ABHD10: variants seen among roughly 807,000 people sequenced by gnomAD.
ABHD10 encodes abhydrolase domain containing 10, depalmitoylase.
ABHD10 carries 22 observed loss-of-function variants against 33.1 expected under a neutral mutation model. The ratio of observed to expected loss-of-function variants is 0.66; its 90% confidence interval spans 0.47 to 0.95. The LOEUF (loss-of-function observed/expected upper bound fraction) is 0.95. Ranked by LOEUF, ABHD10 falls within the 40% of genes least tolerant of loss-of-function variation. ABHD10 has a pLI of 0.00. For synonymous variants in ABHD10, 146 were observed against 133.9 expected (o/e 1.09, Z -0.62); for missense variants, 352 against 379.9 (o/e 0.93, Z 0.61).
In ABHD10 at chr3:111,993,164, C is replaced by T. The variant is rs2072764103; in HGVS notation, c.*1443C>T. The T allele has an allele frequency of 6.6e-6, 1 of 152,192 alleles. No individual in the cohort carries two copies. The highest frequency in any genetic ancestry group is 2.1e-4 in the South Asian group (1 of 4,828). The allele number at this position is 152,192 out of a possible 1,614,324, so 9.4% of individuals were successfully genotyped here. A position where few individuals can be genotyped will look rare whatever the true frequency, so the allele number is the denominator to read the frequency against. On this transcript the variant is annotated 3_prime_UTR_variant, in exon 5 of 5. Coordinates refer to ENST00000273359, the MANE Select transcript of ABHD10 (RefSeq NM_018394.4). ...CCCCAGGCACTCAGTCTCTAACAAG[C>T]TTTTCTGGTTGACAGTGTTTCACAA... is the stretch of plus-strand genomic sequence containing the variant.
chr3:111,979,148 T>A lies in ABHD10; in HGVS notation c.87T>A (p.Arg29=). 6.2e-7 allele frequency: 1 copy of A among 1,613,014 alleles called. No homozygotes were observed. Among genetic ancestry groups the A allele is most frequent in the Non-Finnish European group, 8.5e-7 (1 of 1,179,574 alleles). ...CAGCCGTCCCCTTCGGTCCCCACCGTGGCCTCAGCGTGCTGCTTGCACGGA... is the reference window on the plus strand; with the variant it reads ...CAGCCGTCCCCTTCGGTCCCCACCGAGGCCTCAGCGTGCTGCTTGCACGGA... ...GWAAVPFGPH[R]GLSVLLARIP... The change falls in exon 1 of 5, where the codon CGT becomes CGA. Residue 29 remains arginine, a synonymous_variant. Transcript: ENST00000273359.
intron 2 of ABHD10, among the ~76,000 whole-genome samples, chr3:111,984,944 G>T (rs935130609): frequency 6.6e-6 from 1 of 152,160 alleles, no homozygotes; most frequent in Non-Finnish European, 1.5e-5. Context: ...AAAAACAAAC[G>T]AATAAAACAG....
At position 111,991,735 on chromosome 3, in the gene ABHD10, G is replaced by A; in HGVS notation, c.*14G>A. The A allele has an allele frequency of 6.3e-7, 1 of 1,577,746 alleles. No homozygotes were observed. Among genetic ancestry groups the A allele is most frequent in the Non-Finnish European group, 8.7e-7 (1 of 1,151,292 alleles). On this transcript the variant is annotated 3_prime_UTR_variant, in exon 5 of 5. Transcript: ENST00000273359. Reference sequence around the variant, plus strand: ...ATAGTTAACTAGTATCACATGTTTAGTTGGTATGTAAACTAATGTATCCAG... The same window carrying A: ...ATAGTTAACTAGTATCACATGTTTAATTGGTATGTAAACTAATGTATCCAG...
Position 111,981,869 on chromosome 3 carries a change from A to G in ABHD10, c.228A>G (p.Pro76=), listed in dbSNP as rs777294208. ...ATAAGAAGCTAAAAGGCAAAAGTCC[A>G]GGAATTATCTTCATCCCTGGCTATC... ...LAYKKLKGKS[P]GIIFIPGYLS... The change falls in exon 2 of 5, where the codon CCA becomes CCG. Residue 76 remains proline (P), a synonymous_variant. Transcript: ENST00000273359. 6.2e-7 allele frequency: 1 copy of G among 1,608,456 alleles called. No individual in the cohort carries two copies. Among genetic ancestry groups the G allele is most frequent in the Non-Finnish European group, 8.5e-7 (1 of 1,175,902 alleles).
intron 4 of ABHD10, among the ~76,000 whole-genome samples, chr3:111,988,786 C>T (rs1000515210): frequency 1.3e-5 from 2 of 151,846 alleles, no homozygotes; most frequent in African/African-American, 4.8e-5. Flanking sequence ...GATGGGGTCT[C>T]GCCATGTTGC....
In ABHD10 at chr3:111,986,359, T is replaced by C. The variant is rs1382821729; in HGVS notation, c.422T>C (p.Leu141Ser). The C allele has an allele frequency of 5.0e-6, 8 of 1,612,234 alleles. No individual in the cohort carries two copies. The highest frequency in any genetic ancestry group is 5.1e-6 in the Non-Finnish European group (6 of 1,178,402). ...RKDVLSIIDDLADGPQILVGS... is the reference protein window; with the variant it reads ...RKDVLSIIDDSADGPQILVGS... ...GATGTTCTTTCTATAATTGATGACT[T>C]AGCTGATGGGCCACAGGTGACTGTT... is the stretch of plus-strand genomic sequence containing the variant. The change falls in exon 3 of 5, where the codon TTA (leucine) becomes TCA (serine). Residue 141 changes from leucine to serine, a missense_variant. Leu to Ser is a moderately radical substitution (Grantham distance 145). Transcript: ENST00000273359.
intron 4 of ABHD10, chr3:111,990,838 A>G (rs965552720): frequency 5.6e-5 from 39 of 696,752 alleles, no homozygotes; most frequent in Non-Finnish European, 7.9e-5. Flanking sequence ...TCCCTATGCC[A>G]TATCCATTTT....
chr3:111,986,677 C>T (rs377659704), intron 3 of ABHD10, among the ~76,000 whole-genome samples: 16 of 152,316 alleles, frequency 1.1e-4, no homozygotes, highest in East Asian at 7.7e-4. Flanking sequence ...CCTCGTGATC[C>T]GCCCGCCTGG....
In ABHD10 at chr3:111,989,281, G is replaced by A. The variant is rs144269813; in HGVS notation, c.577-2096G>A. ...CTTCTTTGGACACTAGAGGGCCTCA[G>A]ACATGATGCACAGCTGTTGGGAATG... On this transcript the variant is annotated intron_variant, in intron 4 of 4. Transcript: ENST00000273359. Among the ~76,000 whole-genome samples the A allele has an allele frequency of 8.8e-3, 1,343 of 152,286 alleles. 12 individuals are homozygous for A. The highest frequency in any genetic ancestry group is 0.014 in the Non-Finnish European group (954 of 68,018).
rs189093873 is a variant in ABHD10 at position 111,981,123 on chromosome 3, G to A, written c.143-661G>A. Among the ~76,000 whole-genome samples, 396 of 152,070 alleles carry A rather than the reference G, an allele frequency of 2.6e-3. 2 individuals are homozygous for A. The highest frequency in any genetic ancestry group is 8.9e-3 in the African/African-American group (370 of 41,490). On this transcript the variant is annotated intron_variant, in intron 1 of 4. Transcript: ENST00000273359. The stretch of plus-strand genomic sequence containing the variant: ...GTTTGAGACCAGTCTGGGCAACATA[G>A]TGAGACCCTGTCTCCACAAAAAATA...
intron 2 of ABHD10, 127 bp downstream of exon 2, chr3:111,982,094 G>A (rs2072592700): frequency 6.2e-6 from 5 of 807,746 alleles, no homozygotes; most frequent in African/African-American, 1.8e-5. Flanking sequence ...CTGTAAACTT[G>A]CATCTTGTGA....
At chr3:111,989,403 T>A in intron 4 of ABHD10, among the ~76,000 whole-genome samples, 1 of 152,258 alleles carries the variant, frequency 6.6e-6, no homozygotes, top group Admixed American at 6.5e-5. Flanking sequence ...GTTTCTGAAC[T>A]TTTTGTTCTT....
At chr3:111,990,724 T>A in intron 4 of ABHD10, 1 of 1,430,118 alleles carries the variant, frequency 7.0e-7, no homozygotes, top group Non-Finnish European at 9.3e-7. Flanking sequence ...AAACTATATT[T>A]CTTTACATTC....
intron 4 of ABHD10, among the ~76,000 whole-genome samples, chr3:111,989,066 A>T (rs182698222): frequency 6.6e-6 from 1 of 152,372 alleles, no homozygotes; most frequent in Non-Finnish European, 1.5e-5. Flanking sequence ...AAAAGCATGT[A>T]TAAGGAAAGA....
chr3:111,987,446 T>C (rs984897059), intron 4 of ABHD10, among the ~76,000 whole-genome samples: 1 of 152,172 alleles, frequency 6.6e-6, no homozygotes, highest in African/African-American at 2.4e-5. Flanking sequence ...ATGACTATGT[T>C]AGAGTGGGCT....
At chr3:111,983,873 A>G (rs1322131789) in intron 2 of ABHD10, among the ~76,000 whole-genome samples, 3 of 152,184 alleles carry the variant, frequency 2.0e-5, no homozygotes, top group Non-Finnish European at 4.4e-5. Flanking sequence ...GGCTGCTAAG[A>G]TGGAGATGTG....
intron 2 of ABHD10, among the ~76,000 whole-genome samples, chr3:111,985,027 T>A (rs765591393): frequency 6.6e-6 from 1 of 152,284 alleles, no homozygotes; most frequent in East Asian, 1.9e-4. Flanking sequence ...TACAATACAA[T>A]ATGAAAAGTG....
intron 1 of ABHD10, 107 bp downstream of exon 1, chr3:111,979,310 CCT>C (rs2072546792): frequency 1.5e-6 from 2 of 1,323,164 alleles, no homozygotes; most frequent in Admixed American, 5.5e-5. Context: ...CAAAAATGCT[CCT>C]CCCCCTTTCT....
At chr3:111,984,166 A>AC (rs1477614811) in intron 2 of ABHD10, among the ~76,000 whole-genome samples, 2 of 151,966 alleles carry the variant, frequency 1.3e-5, no homozygotes, top group Non-Finnish European at 2.9e-5. Flanking sequence ...TTTTTCTTCC[A>AC]CCCCTTCTAC....
Sources: gnomAD v4.1 joint callset for allele counts (sites outside exome capture counted in the v4.1 genomes callset) on GRCh38, gnomAD v4.1.1 for gene constraint, MANE v1.5 for transcripts, NCBI Gene and HGNC (gene_info 2026-07-23, HGNC 2026-07-21) for gene names.